The following XKR6 variants were observed in gnomAD, a reference collection of about 807,000 sequenced individuals.
XKR6 encodes the protein XK-related protein 6.
Under a neutral mutation model 56.7 loss-of-function variants are expected in XKR6, and 22 were observed. That is an observed-to-expected ratio of 0.39 (90% CI 0.28 to 0.55). The LOEUF (loss-of-function observed/expected upper bound fraction) is 0.55, where lower values mean the gene tolerates loss of function less well. Ranked by LOEUF, XKR6 falls within the 20% of genes least tolerant of loss-of-function variation. The pLI is 0.66. For synonymous variants in XKR6, 524 were observed against 387.8 expected (o/e 1.35, Z -4.13); for missense variants, 852 against 889.0 (o/e 0.96, Z 0.53).
chr8:10,981,262 C>T (rs558164990), intron 1 of XKR6, among the ~76,000 whole-genome samples: 4 of 152,232 alleles, frequency 2.6e-5, no homozygotes, highest in African/African-American at 9.6e-5. Flanking sequence ...AATAGATTTT[C>T]GAGAGTGAAG....
At chr8:10,959,063 G>A (rs566709054) in intron 1 of XKR6, among the ~76,000 whole-genome samples, 1 of 152,340 alleles carries the variant, frequency 6.6e-6, no homozygotes, top group South Asian at 2.1e-4. Flanking sequence ...GACACTCTGA[G>A]TTGCGACCAC....
intron 1 of XKR6, among the ~76,000 whole-genome samples, chr8:11,058,079 G>A (rs1426123101): frequency 6.6e-6 from 1 of 152,180 alleles, no homozygotes; most frequent in Non-Finnish European, 1.5e-5. Context: ...AATATTCGAG[G>A]ACTAAATATC....
At chr8:11,105,752 C>G (rs1482522868) in intron 1 of XKR6, 1 of 152,196 alleles carries the variant, frequency 6.6e-6, no homozygotes, top group Non-Finnish European at 1.5e-5. Flanking sequence ...ATATTCATTT[C>G]CAGCCACCCC....
At chr8:10,899,448 A>G (rs1203278866) in intron 2 of XKR6, among the ~76,000 whole-genome samples, 1 of 152,104 alleles carries the variant, frequency 6.6e-6, no homozygotes, top group South Asian at 2.1e-4. Flanking sequence ...CAAAGTCCCA[A>G]AAGGCCCTTT....
At chr8:10,996,412 T>C (rs901998185) in intron 1 of XKR6, among the ~76,000 whole-genome samples, 12 of 152,214 alleles carry the variant, frequency 7.9e-5, no homozygotes, top group Non-Finnish European at 2.9e-5. Flanking sequence ...TTTTATATGT[T>C]CTGCTTTTTT....
intron 2 of XKR6, among the ~76,000 whole-genome samples, chr8:10,917,216 G>A (rs1309687034): frequency 2.0e-5 from 3 of 152,152 alleles, no homozygotes; most frequent in Non-Finnish European, 4.4e-5. Context: ...CAGGCCCAGG[G>A]TGGCAAGAAG....
intron 1 of XKR6, chr8:11,111,650 G>C (rs1300819676): frequency 1.3e-5 from 2 of 152,082 alleles, no homozygotes; most frequent in African/African-American, 4.8e-5. Context: ...ACCTTCAAAA[G>C]ATAACTGTCT....
chr8:11,039,769 A>G (rs1029421687), intron 1 of XKR6, among the ~76,000 whole-genome samples: 1 of 152,220 alleles, frequency 6.6e-6, no homozygotes, highest in African/African-American at 2.4e-5. Flanking sequence ...CTGCAAATGA[A>G]TAAGTGCACG....
rs562984690 is a variant in XKR6, at chr8:10,969,888, C to T, written c.765-45058G>A. 7.2e-5 allele frequency among the ~76,000 whole-genome samples: 11 copies of T among 152,338 alleles called. No individual in the cohort carries two copies. In the South Asian group the frequency reaches 1.9e-3, roughly 26 times the overall value. Reference sequence around the variant, plus strand: ...GCAGCCCGAAGATGGGATATGCTGCCGTCCCGCCTCTCACCCATGTGAGGA... The same window carrying T: ...GCAGCCCGAAGATGGGATATGCTGCTGTCCCGCCTCTCACCCATGTGAGGA... On this transcript the variant is annotated intron_variant, in intron 1 of 2. Coordinates refer to ENST00000416569, the MANE Select transcript of XKR6 (RefSeq NM_173683.4).
chr8:11,057,985 A>G (rs1389546755), intron 1 of XKR6, among the ~76,000 whole-genome samples: 1 of 152,216 alleles, frequency 6.6e-6, no homozygotes, highest in Non-Finnish European at 1.5e-5. Flanking sequence ...GTGTCTTGTC[A>G]TATGTCTGTG....
At chr8:11,028,814 T>A (rs1586450237) in intron 1 of XKR6, among the ~76,000 whole-genome samples, 2 of 152,200 alleles carry the variant, frequency 1.3e-5, no homozygotes, top group African/African-American at 4.8e-5. Flanking sequence ...CCAGGCACTA[T>A]GACAGTCCAC....
intron 1 of XKR6, among the ~76,000 whole-genome samples, chr8:11,099,704 T>C (rs1182035973): frequency 2.0e-5 from 3 of 152,232 alleles, no homozygotes; most frequent in Admixed American, 6.5e-5. Context: ...CACGCATTGT[T>C]CTAGGTCTTG....
chr8:11,038,495 TTTTGTGTGTGTG>T (rs1799201616), intron 1 of XKR6, among the ~76,000 whole-genome samples: 1 of 133,220 alleles, frequency 7.5e-6, no homozygotes, highest in African/African-American at 2.8e-5. Flanking sequence ...ATTGTAGTCA[TTTTGTGTGTGTG>T]TGTGTGTGTG....
intron 1 of XKR6, among the ~76,000 whole-genome samples, chr8:11,119,553 C>T (rs1028908315): frequency 1.3e-5 from 2 of 152,168 alleles, no homozygotes; most frequent in African/African-American, 4.8e-5. Flanking sequence ...GATCCCTTTA[C>T]CATTATGTAA....
At chr8:11,015,290 T>C (rs544626632) in intron 1 of XKR6, among the ~76,000 whole-genome samples, 1 of 152,332 alleles carries the variant, frequency 6.6e-6, no homozygotes, top group East Asian at 1.9e-4. Context: ...ACTTTTATTT[T>C]TACTCTTCTG....
chr8:11,058,213 G>A (rs929336067), intron 1 of XKR6, among the ~76,000 whole-genome samples: 2 of 152,096 alleles, frequency 1.3e-5, no homozygotes, highest in Non-Finnish European at 2.9e-5. Context: ...TGAATCTCCT[G>A]CAACATTTTT....
intron 1 of XKR6, among the ~76,000 whole-genome samples, chr8:11,190,679 G>C (rs1293286461): frequency 1.3e-5 from 2 of 152,118 alleles, no homozygotes; most frequent in African/African-American, 2.4e-5. Flanking sequence ...TATACCAAGA[G>C]GCCCCAGAGG....
intron 1 of XKR6, among the ~76,000 whole-genome samples, chr8:11,185,799 T>C (rs1039100506): frequency 1.3e-5 from 2 of 152,316 alleles, no homozygotes; most frequent in East Asian, 3.9e-4. Context: ...CTCAATGAAA[T>C]ATCATCTAAA....
chr8:11,188,388 A>G (rs957857984), intron 1 of XKR6, among the ~76,000 whole-genome samples: 1 of 152,222 alleles, frequency 6.6e-6, no homozygotes, highest in Non-Finnish European at 1.5e-5. Flanking sequence ...CTGTTTTTCC[A>G]AACTCATCAT....
Sources: allele counts gnomAD v4.1 joint callset (sites outside exome capture counted in the v4.1 genomes callset), GRCh38; gene constraint gnomAD v4.1.1; transcripts MANE v1.5; gene names NCBI Gene and HGNC (gene_info 2026-07-23, HGNC 2026-07-21).